The following NPAS3 variants were observed in gnomAD, a reference collection of about 807,000 sequenced individuals.
NPAS3 encodes neuronal PAS domain-containing protein 3.
Under a neutral mutation model 73.1 loss-of-function variants are expected in NPAS3, and 14 were observed. That is an observed-to-expected ratio of 0.19 (90% confidence interval 0.13 to 0.30). The LOEUF (loss-of-function observed/expected upper bound fraction) is 0.30. Among genes scored for constraint, NPAS3 ranks in the 10% least tolerant of loss-of-function variants. NPAS3 has a pLI of 1.00. For synonymous variants in NPAS3, 620 were observed against 541.5 expected, an observed-to-expected ratio of 1.14 and a Z score of -2.01; for missense variants, 1,096 against 1,250.0, an observed-to-expected ratio of 0.88 and a Z score of 1.86.
At chr14:33,158,340 C>A (rs968863983) in intron 2 of NPAS3, among the ~76,000 whole-genome samples, 1 of 152,166 alleles carries the variant, frequency 6.6e-6, no homozygotes, top group South Asian at 2.1e-4. Flanking sequence ...GATTTTGATA[C>A]ATGCTGAGGT....
intron 2 of NPAS3, among the ~76,000 whole-genome samples, chr14:33,188,708 G>C (rs1663335466): frequency 6.6e-6 from 1 of 152,128 alleles, no homozygotes; most frequent in South Asian, 2.1e-4. Context: ...GATTATATCT[G>C]CAACTTTTTT....
intron 2 of NPAS3, among the ~76,000 whole-genome samples, chr14:33,094,634 T>G (rs568977321): frequency 1.3e-3 from 194 of 152,120 alleles, no homozygotes; most frequent in African/African-American, 4.4e-3. Context: ...CCCAGCTAAT[T>G]TTTGTATTTT....
At chr14:33,348,322 G>A (rs2044847667) in intron 3 of NPAS3, among the ~76,000 whole-genome samples, 1 of 152,154 alleles carries the variant, frequency 6.6e-6, no homozygotes, top group South Asian at 2.1e-4. Context: ...TGAGGGTGAG[G>A]AGGCAGGGAG....
chr14:33,090,238 T>G (rs2042178517), intron 2 of NPAS3, among the ~76,000 whole-genome samples: 1 of 152,240 alleles, frequency 6.6e-6, no homozygotes, highest in Admixed American at 6.5e-5. Context: ...ATCAGTGTGC[T>G]GTATTCAGGA....
At chr14:33,446,633 C>T (rs1399962660) in intron 4 of NPAS3, among the ~76,000 whole-genome samples, 4 of 152,158 alleles carry the variant, frequency 2.6e-5, no homozygotes, top group Admixed American at 6.5e-5. Context: ...CAGGAGTTTC[C>T]ATTGAATCAT....
intron 4 of NPAS3, among the ~76,000 whole-genome samples, chr14:33,495,140 G>A (rs767425091): frequency 2.4e-4 from 37 of 152,158 alleles, no homozygotes; most frequent in Admixed American, 1.4e-3. Context: ...TCTAAATACT[G>A]CTTTAGCTGT....
chr14:33,270,344 G>A (rs554047318), intron 3 of NPAS3, among the ~76,000 whole-genome samples: 3 of 152,262 alleles, frequency 2.0e-5, no homozygotes, highest in East Asian at 1.9e-4. Context: ...CCCCAACACC[G>A]TGTACCACAA....
At chr14:33,434,192 CTAAATAAA>C (rs893332869) in intron 4 of NPAS3, among the ~76,000 whole-genome samples, 1 of 151,324 alleles carries the variant, frequency 6.6e-6, no homozygotes, top group African/African-American at 2.4e-5. Flanking sequence ...AACTCCGTCT[CTAAATAAA>C]TAAATAAATA....
At chr14:32,971,455 T>C (rs540238359) in intron 1 of NPAS3, among the ~76,000 whole-genome samples, 3 of 152,196 alleles carry the variant, frequency 2.0e-5, no homozygotes, top group Non-Finnish European at 4.4e-5. Flanking sequence ...AGGCATCTTT[T>C]AATGAAATGG....
chr14:33,056,663 T>C (rs2040900117), intron 2 of NPAS3, among the ~76,000 whole-genome samples: 1 of 152,218 alleles, frequency 6.6e-6, no homozygotes, highest in Admixed American at 6.5e-5. Flanking sequence ...AATGGCATTT[T>C]AATATATCAT....
intron 1 of NPAS3, among the ~76,000 whole-genome samples, chr14:32,947,198 C>T (rs2036296184): frequency 6.6e-6 from 1 of 151,846 alleles, no homozygotes; most frequent in Admixed American, 6.6e-5. Flanking sequence ...GTGAATATAG[C>T]TATAATTAAC....
chr14:33,800,229 A>T lies in NPAS3; in HGVS notation c.1922A>T (p.Asn641Ile). 6.2e-7 allele frequency: 1 copy of T among 1,612,902 alleles called. No individual in the cohort carries two copies. Among genetic ancestry groups the T allele is most frequent in the Non-Finnish European group, 8.5e-7 (1 of 1,179,602 alleles). Residue 641 changes from asparagine (N) to isoleucine (I), a missense_variant, in exon 12 of 12, where the codon AAC becomes ATC. By Grantham distance (149) the Asn-to-Ile change is moderately radical (BLOSUM62 -3). Around this residue, in one of 5 missense-constraint regions of NPAS3, gnomAD observed 698 missense variants for 676.7 expected, o/e 1.03. Transcript: ENST00000356141. The surrounding 1 kb of genome is among the most constrained non-coding windows in gnomAD (Gnocchi z 6.5). ...CCCCCGCGGCTGCTGTCCTCCCCCA[A>T]CAGTGCCTCGGTGCTCAAGATCAAG...
At chr14:33,227,863 C>G (rs2047693262) in intron 3 of NPAS3, among the ~76,000 whole-genome samples, 1 of 152,142 alleles carries the variant, frequency 6.6e-6, no homozygotes, top group South Asian at 2.1e-4. Flanking sequence ...AATTAATCAT[C>G]CCGGTCATTT....
At chr14:33,125,421 T>C (rs758820027) in intron 2 of NPAS3, among the ~76,000 whole-genome samples, 8 of 151,508 alleles carry the variant, frequency 5.3e-5, no homozygotes, top group Non-Finnish European at 1.2e-4. Flanking sequence ...GATAAAATTA[T>C]GGAACAAAAA....
chr14:33,591,443 A>T (rs1342509176), intron 5 of NPAS3, among the ~76,000 whole-genome samples: 1 of 152,194 alleles, frequency 6.6e-6, no homozygotes, highest in Non-Finnish European at 1.5e-5. Context: ...TGTCTTGGGA[A>T]CTACAAGATT....
intron 4 of NPAS3, among the ~76,000 whole-genome samples, chr14:33,408,139 C>A (rs2047749461): frequency 6.6e-6 from 1 of 152,062 alleles, no homozygotes; most frequent in Non-Finnish European, 1.5e-5. Context: ...GAGTACTTTT[C>A]CCCTCATTTT....
chr14:33,242,046 CCTTATAAAAATTTTGT>C (rs2048228542), intron 3 of NPAS3, among the ~76,000 whole-genome samples: 1 of 151,834 alleles, frequency 6.6e-6, no homozygotes, highest in African/African-American at 2.4e-5. Flanking sequence ...TAGAAGTCTC[CCTTATAAAAATTTTGT>C]TTTCCAACTG....
At chr14:33,254,124 G>A (rs1002713177) in intron 3 of NPAS3, among the ~76,000 whole-genome samples, 1 of 151,890 alleles carries the variant, frequency 6.6e-6, no homozygotes, top group African/African-American at 2.4e-5. Context: ...GACTGACTGG[G>A]GTCCTCGCAT....
chr14:33,583,706 A>T (rs180844824), intron 5 of NPAS3, among the ~76,000 whole-genome samples: 1 of 152,246 alleles, frequency 6.6e-6, no homozygotes, highest in Non-Finnish European at 1.5e-5. Flanking sequence ...TTTTAAAGAG[A>T]CTATAGACAT....
Sources: allele counts gnomAD v4.1 joint callset (sites outside exome capture counted in the v4.1 genomes callset), GRCh38; gene constraint gnomAD v4.1.1; regional missense constraint gnomAD v4.1.1; non-coding constraint Gnocchi (gnomAD v3.1); transcripts MANE v1.5; gene names NCBI Gene and HGNC (gene_info 2026-07-23, HGNC 2026-07-21).